The following ARHGEF3 variants were observed in gnomAD, a reference collection of about 807,000 sequenced individuals.
The protein encoded by ARHGEF3 is 59.8 kDA protein.
In ARHGEF3, 28 loss-of-function variants were observed where a neutral mutation model predicts 63.2. That is an observed-to-expected ratio of 0.44 (90% CI 0.33 to 0.61). The LOEUF is 0.61. Among genes scored for constraint, ARHGEF3 ranks in the 20% least tolerant of loss-of-function variants. The pLI, the probability that ARHGEF3 is intolerant of heterozygous loss-of-function variation, is 0.03. For synonymous variants in ARHGEF3, 266 were observed against 254.2 expected, an observed-to-expected ratio of 1.05 and a Z score of -0.44; for missense variants, 533 against 659.3, an observed-to-expected ratio of 0.81 and a Z score of 2.10.
chr3:56,769,577 C>A (rs1434916252), intron 2 of ARHGEF3, among the ~76,000 whole-genome samples: 1 of 152,224 alleles, frequency 6.6e-6, no homozygotes, highest in Non-Finnish European at 1.5e-5. Context: ...CAGTGTCTTG[C>A]TGAACTGTGG....
intron 4 of ARHGEF3, among the ~76,000 whole-genome samples, chr3:56,837,331 G>A (rs1312427235): frequency 6.6e-6 from 1 of 152,190 alleles, no homozygotes; most frequent in Non-Finnish European, 1.5e-5. Context: ...GGTTGACCGA[G>A]TTCATGTAGG....
intron 1 of ARHGEF3, chr3:56,774,924 AAC>A (rs2036207858): frequency 2.3e-5 from 28 of 1,203,418 alleles, no homozygotes; most frequent in Admixed American, 3.6e-5. Flanking sequence ...CAACAACAAC[AAC>A]AAAAAAAAAA....
intron 3 of ARHGEF3, among the ~76,000 whole-genome samples, chr3:56,894,634 T>A (rs1256588022): frequency 6.6e-6 from 1 of 152,040 alleles, no homozygotes; most frequent in Non-Finnish European, 1.5e-5. Flanking sequence ...TTTCTCTCTT[T>A]TTTAATTATA....
At chr3:56,738,125 C>A (rs971119918) in intron 7 of ARHGEF3, among the ~76,000 whole-genome samples, 2 of 152,196 alleles carry the variant, frequency 1.3e-5, no homozygotes, top group Non-Finnish European at 2.9e-5. Flanking sequence ...CTCACTGCAA[C>A]CTCCACCTCC....
Position 57,075,136 on chromosome 3 carries a change from T to C in ARHGEF3, c.-28+4090A>G, listed in dbSNP as rs897275917. 2.4e-5 allele frequency: 4 copies of C among 167,194 alleles called. No individual in the cohort carries two copies. In the East Asian group the frequency reaches 7.7e-4, roughly 32 times the overall value. 10.4% of individuals were successfully genotyped at this position (167,194 alleles called of 1,614,324 possible). ...GAGGCTGCTCCCTCATTTGTCTGGG[T>C]TTCTGCTCCAATGCTATCTCCTCAG... On this transcript the variant is annotated intron_variant, in intron 1 of 12. Coordinates refer to the ARHGEF3 transcript ENST00000338458.
chr3:57,022,834 C>G (rs112517091), intron 2 of ARHGEF3, among the ~76,000 whole-genome samples: 1 of 118,972 alleles, frequency 8.4e-6, no homozygotes, highest in South Asian at 2.9e-4. Flanking sequence ...ACCGTCTCAT[C>G]ACCCACATCT....
intron 3 of ARHGEF3, among the ~76,000 whole-genome samples, chr3:56,909,364 A>G (rs1037558579): frequency 6.6e-6 from 1 of 152,224 alleles, no homozygotes; most frequent in African/African-American, 2.4e-5. Flanking sequence ...CAAAGTGCGC[A>G]TGGAAATATA....
chr3:56,855,858 C>T (rs908188704), intron 4 of ARHGEF3, among the ~76,000 whole-genome samples: 4 of 152,122 alleles, frequency 2.6e-5, no homozygotes, highest in Non-Finnish European at 4.4e-5. Flanking sequence ...ACACAGTTAC[C>T]GTCAGAAAAG....
chr3:56,923,074 AT>A (rs1318940427), intron 3 of ARHGEF3, among the ~76,000 whole-genome samples: 35 of 126,768 alleles, frequency 2.8e-4, no homozygotes, highest in African/African-American at 4.1e-4. Context: ...ATATATATAT[AT>A]AAATTAGTTG....
intron 3 of ARHGEF3, among the ~76,000 whole-genome samples, chr3:56,926,047 AC>A (rs1286524497): frequency 6.6e-6 from 1 of 152,256 alleles, no homozygotes; most frequent in African/African-American, 2.4e-5. Flanking sequence ...GGAGACGCAG[AC>A]CTGTACACAA....
At chr3:56,756,609 G>A (rs1318492694) in intron 2 of ARHGEF3, among the ~76,000 whole-genome samples, 1 of 145,888 alleles carries the variant, frequency 6.9e-6, no homozygotes, top group Non-Finnish European at 1.5e-5. Flanking sequence ...GAGTACAGTG[G>A]TGCGATCTCG....
At chr3:57,048,114 C>T (rs1209897803) in intron 1 of ARHGEF3, among the ~76,000 whole-genome samples, 4 of 152,126 alleles carry the variant, frequency 2.6e-5, no homozygotes, top group African/African-American at 9.7e-5. Context: ...CAGGTCTTCC[C>T]TCCCACTCCA....
chr3:56,771,907 A>G (rs1302480814), intron 2 of ARHGEF3, among the ~76,000 whole-genome samples: 1 of 152,214 alleles, frequency 6.6e-6, no homozygotes, highest in African/African-American at 2.4e-5. Context: ...AATTTTCAAA[A>G]AGCAGTAACT....
At chr3:56,740,875 T>G (rs528211268) in intron 7 of ARHGEF3, among the ~76,000 whole-genome samples, 2 of 152,254 alleles carry the variant, frequency 1.3e-5, no homozygotes, top group Non-Finnish European at 2.9e-5. Flanking sequence ...AGATGCGCTA[T>G]AGTCATAAAT....
chr3:56,967,913 A>AATATATTATAAATAATATATTATATG lies in ARHGEF3; in HGVS notation c.63-9025_63-9024insCATATAATATATTATTTATAATATAT, dbSNP rs1291114915. On this transcript the variant is annotated intron_variant, in intron 2 of 12. Coordinates refer to the ARHGEF3 transcript ENST00000338458. Reference sequence around the variant, plus strand: ...ATAATATATAAATAATATATTATATATAATATATTATATATAATATAAAAT... The same window carrying AATATATTATAAATAATATATTATATG: ...ATAATATATAAATAATATATTATATAATATATTATAAATAATATATTATATGTAATATATTATATATAATATAAAAT... Among the ~76,000 whole-genome samples the AATATATTATAAATAATATATTATATG allele has an allele frequency of 7.4e-3, 513 of 69,286 alleles. 6 individuals are homozygous for AATATATTATAAATAATATATTATATG. Among genetic ancestry groups the AATATATTATAAATAATATATTATATG allele is most frequent in the Middle Eastern group, 0.04 (2 of 50 alleles). 45.5% of individuals were successfully genotyped at this position (69,286 alleles called of 152,430 possible).
At chr3:56,797,714 C>A (rs1578542873) in intron 1 of ARHGEF3, among the ~76,000 whole-genome samples, 2 of 152,188 alleles carry the variant, frequency 1.3e-5, no homozygotes, top group East Asian at 3.8e-4. Flanking sequence ...AGGCATAAAT[C>A]GTGGCAGGAG....
chr3:57,034,995 A>T (rs1306421971), intron 2 of ARHGEF3: 4 of 1,081,434 alleles, frequency 3.7e-6, no homozygotes, highest in Non-Finnish European at 5.2e-6. Context: ...CTACTGACTT[A>T]TGTAGGCTTA....
chr3:56,968,296 A>ATGTTTATATTTATATATAATATTT (rs1375293429), intron 2 of ARHGEF3, among the ~76,000 whole-genome samples: 1 of 43,212 alleles, frequency 2.3e-5, no homozygotes, highest in African/African-American at 6.8e-5. Context: ...TAATATATAT[A>ATGTTTATATTTATATATAATATTT]ATATATAATA....
chr3:57,012,912 G>A (rs991749174), intron 2 of ARHGEF3, among the ~76,000 whole-genome samples: 2 of 152,232 alleles, frequency 1.3e-5, no homozygotes, highest in Admixed American at 6.5e-5. Flanking sequence ...CCGGGGCTGC[G>A]CACGGGCTCG....
Sources: gnomAD v4.1 joint callset for allele counts (sites outside exome capture counted in the v4.1 genomes callset) on GRCh38, gnomAD v4.1.1 for gene constraint, MANE v1.5 for transcripts, NCBI Gene and HGNC (gene_info 2026-07-23, HGNC 2026-07-21) for gene names.